DPP10: variants seen among roughly 807,000 people sequenced by gnomAD.
DPP10 encodes dipeptidyl peptidase like 10, also known as inactive dipeptidyl peptidase 10.
In DPP10, 33 loss-of-function variants were observed where a neutral mutation model predicts 120.9. The ratio of observed to expected loss-of-function variants is 0.27; its 90% confidence interval spans 0.21 to 0.37. DPP10 has a LOEUF of 0.37. DPP10 is among the 10% of genes least tolerant of loss of function. The pLI, the probability that DPP10 is intolerant of heterozygous loss-of-function variation, is 1.00. For missense variants in DPP10, 816 were observed against 942.8 expected (o/e 0.87, Z 1.76); for synonymous variants, 337 against 326.1 (o/e 1.03, Z -0.36).
intron 1 of DPP10, among the ~76,000 whole-genome samples, chr2:114,444,075 C>T (rs1419419324): frequency 6.6e-6 from 1 of 152,114 alleles, no homozygotes; most frequent in Non-Finnish European, 1.5e-5. Context: ...CATACATAAA[C>T]ATAGGGAGTT....
At chr2:114,779,611 C>T (rs1682094435) in intron 1 of DPP10, among the ~76,000 whole-genome samples, 1 of 152,102 alleles carries the variant, frequency 6.6e-6, no homozygotes, top group African/African-American at 2.4e-5. Context: ...CATAACTTGA[C>T]CTTTCATCCC....
chr2:115,442,063 C>T (rs772525165), intron 3 of DPP10, among the ~76,000 whole-genome samples: 3 of 151,770 alleles, frequency 2.0e-5, no homozygotes, highest in Non-Finnish European at 4.4e-5. Flanking sequence ...CTGCCCGCCT[C>T]GGCCTCCCAA....
chr2:115,659,563 C>A (rs2088719474), intron 5 of DPP10, among the ~76,000 whole-genome samples: 1 of 152,150 alleles, frequency 6.6e-6, no homozygotes, highest in South Asian at 2.1e-4. Flanking sequence ...GATTTAGCCA[C>A]AAATCAGTGA....
chr2:115,273,834 G>A (rs2059801709), intron 1 of DPP10, among the ~76,000 whole-genome samples: 1 of 152,236 alleles, frequency 6.6e-6, no homozygotes, highest in Non-Finnish European at 1.5e-5. Flanking sequence ...GGCCAATTTA[G>A]TGTTTCCCTA....
At position 114,796,133 on chromosome 2, in the gene DPP10, C is replaced by A. The variant is rs112499147; in HGVS notation, c.60+353295C>A. 1.4e-3 allele frequency among the ~76,000 whole-genome samples: 217 copies of A among 152,288 alleles called. 1 individual carries two copies. Among genetic ancestry groups the A allele is most frequent in the African/African-American group, 5.0e-3 (209 of 41,556 alleles). ...CCTAGTACAGTAAAAAGCGATCTCT[C>A]ACGATTCTCACTTAATTTTCACTGT... On this transcript the variant is annotated intron_variant, in intron 1 of 25. Transcript: ENST00000410059.
intron 21 of DPP10, among the ~76,000 whole-genome samples, chr2:115,823,845 G>A (rs1165040820): frequency 2.0e-5 from 3 of 152,136 alleles, no homozygotes; most frequent in Admixed American, 1.3e-4. Flanking sequence ...TCTAGGCTAA[G>A]TTAAATCTCA....
In DPP10 at chr2:114,871,240, C is replaced by T. The variant is rs1337733083; in HGVS notation, c.60+428402C>T. ...CCTTTGGAAAAAAATCCATCTTTCT[C>T]TATTATTGGGGGAAAGAACACTGAA... On this transcript the variant is annotated intron_variant, in intron 1 of 25. Coordinates refer to ENST00000410059, the MANE Select transcript of DPP10 (RefSeq NM_020868.6). Among the ~76,000 whole-genome samples, 2 of 82,898 alleles carry T rather than the reference C, an allele frequency of 2.4e-5. 1 individual carries two copies. Among genetic ancestry groups the T allele is most frequent in the Admixed American group, 2.7e-4 (2 of 7,358 alleles). 54.4% of individuals were successfully genotyped at this position (82,898 alleles called of 152,430 possible).
chr2:115,336,583 G>C (rs78700004), intron 2 of DPP10, among the ~76,000 whole-genome samples: 5,967 of 96,816 alleles, frequency 0.062, 172 homozygotes, highest in South Asian at 0.15. Flanking sequence ...CTCTCTCTCT[G>C]TCTCTCTCTC....
At chr2:114,939,251 G>C (rs1574526446) in intron 1 of DPP10, among the ~76,000 whole-genome samples, 1 of 152,006 alleles carries the variant, frequency 6.6e-6, no homozygotes, top group Admixed American at 6.6e-5. Context: ...CTGAGGAGGA[G>C]GAGGAAGAGC....
At chr2:115,199,376 T>C (rs1185981048) in intron 1 of DPP10, among the ~76,000 whole-genome samples, 1 of 152,142 alleles carries the variant, frequency 6.6e-6, no homozygotes, top group Non-Finnish European at 1.5e-5. Flanking sequence ...AGGTAAATTC[T>C]GTTATTTCTT....
At chr2:114,555,691 T>A (rs1217618594) in intron 1 of DPP10, among the ~76,000 whole-genome samples, 1 of 152,170 alleles carries the variant, frequency 6.6e-6, no homozygotes, top group East Asian at 1.9e-4. Flanking sequence ...GAAAAAATAT[T>A]TAAAGTGTAA....
At chr2:114,977,972 T>C (rs1699857784) in intron 1 of DPP10, among the ~76,000 whole-genome samples, 2 of 152,130 alleles carry the variant, frequency 1.3e-5, no homozygotes, top group Admixed American at 6.6e-5. Context: ...GATTTTGCAA[T>C]ACTGCCTCCC....
chr2:115,515,678 C>G (rs1224356834), intron 4 of DPP10, among the ~76,000 whole-genome samples: 1 of 151,950 alleles, frequency 6.6e-6, no homozygotes, highest in East Asian at 1.9e-4. Flanking sequence ...TCTTAATAAA[C>G]CTTTATCTGT....
intron 1 of DPP10, among the ~76,000 whole-genome samples, chr2:114,838,267 T>C (rs889999224): frequency 3.3e-5 from 5 of 152,242 alleles, no homozygotes; most frequent in Admixed American, 6.5e-5. Context: ...ACAGATTCTA[T>C]AGTGGCATTA....
chr2:114,893,043 A>G (rs938887912), intron 1 of DPP10, among the ~76,000 whole-genome samples: 1 of 152,196 alleles, frequency 6.6e-6, no homozygotes, highest in Admixed American at 6.5e-5. Context: ...TGTCTTTATT[A>G]TTAAAAATTC....
intron 1 of DPP10, among the ~76,000 whole-genome samples, chr2:114,624,835 A>T (rs1694387950): frequency 6.6e-6 from 1 of 151,970 alleles, no homozygotes; most frequent in African/African-American, 2.4e-5. Context: ...AATAAAGCAC[A>T]TCATCCATCT....
At chr2:115,399,067 C>T (rs949888) in intron 3 of DPP10, among the ~76,000 whole-genome samples, 31,057 of 151,974 alleles carry the variant, frequency 0.2, 3,523 homozygotes, top group East Asian at 0.35. Flanking sequence ...TGACTAAATA[C>T]TCTGAGGCAG....
At chr2:115,072,028 A>C (rs1219681642) in intron 1 of DPP10, among the ~76,000 whole-genome samples, 3 of 152,210 alleles carry the variant, frequency 2.0e-5, no homozygotes, top group Admixed American at 2.0e-4. Flanking sequence ...TAATGATAGC[A>C]GATCTGGAAA....
At chr2:115,776,386 A>G (rs2149843516) in intron 13 of DPP10, among the ~76,000 whole-genome samples, 2 of 152,178 alleles carry the variant, frequency 1.3e-5, no homozygotes, top group Admixed American at 6.5e-5. Flanking sequence ...TTCTTGTGTT[A>G]CTTTGCTAAG....
Sources: gnomAD v4.1 joint callset for allele counts (sites outside exome capture counted in the v4.1 genomes callset) on GRCh38, gnomAD v4.1.1 for gene constraint, MANE v1.5 for transcripts, NCBI Gene and HGNC (gene_info 2026-07-23, HGNC 2026-07-21) for gene names.